CNTNAP2: variants seen among roughly 807,000 people sequenced by gnomAD.
The protein encoded by CNTNAP2 is contactin associated protein 2, also known as contactin-associated protein-like 2.
In CNTNAP2, 98 loss-of-function variants were observed where a neutral mutation model predicts 155.2. That is an observed-to-expected ratio of 0.63 (90% CI 0.54 to 0.75). The LOEUF (loss-of-function observed/expected upper bound fraction) is 0.75. CNTNAP2 is among the 30% of genes least tolerant of loss of function. The probability of loss-of-function intolerance (pLI) is 0.00; values close to 1 mark genes in which losing one functional copy is unlikely to be tolerated. For missense variants in CNTNAP2, 1,727 were observed against 1,688.1 expected, an observed-to-expected ratio of 1.02 and a Z score of -0.40; for synonymous variants, 651 against 631.2, an observed-to-expected ratio of 1.03 and a Z score of -0.47.
At chr7:148,036,494 CTT>C (rs1802576180) in intron 15 of CNTNAP2, among the ~76,000 whole-genome samples, 2 of 152,038 alleles carry the variant, frequency 1.3e-5, no homozygotes, top group Non-Finnish European at 2.9e-5. Context: ...CTTGCTCTCT[CTT>C]GTGATGCTTT....
intron 16 of CNTNAP2, among the ~76,000 whole-genome samples, chr7:148,138,718 T>C (rs1805004975): frequency 2.0e-5 from 3 of 152,154 alleles, no homozygotes; most frequent in Non-Finnish European, 4.4e-5. Flanking sequence ...CTGGGACCTT[T>C]ATCTATTCTT....
intron 15 of CNTNAP2, among the ~76,000 whole-genome samples, chr7:148,027,330 G>A (rs1240294390): frequency 6.6e-6 from 1 of 152,170 alleles, no homozygotes; most frequent in African/African-American, 2.4e-5. Flanking sequence ...AATCTATGTA[G>A]CACTTTTAGG....
intron 3 of CNTNAP2, among the ~76,000 whole-genome samples, chr7:146,976,910 C>A (rs980425882): frequency 6.6e-6 from 1 of 152,148 alleles, no homozygotes; most frequent in Non-Finnish European, 1.5e-5. Context: ...GGCCTATGAA[C>A]AACAATCAGA....
At chr7:147,432,865 G>A (rs1433418209) in intron 10 of CNTNAP2, among the ~76,000 whole-genome samples, 3 of 152,130 alleles carry the variant, frequency 2.0e-5, no homozygotes, top group Non-Finnish European at 4.4e-5. Flanking sequence ...TCTTAGAGCT[G>A]TGCTGCTTTC....
At chr7:146,411,840 T>C (rs1244903108) in intron 1 of CNTNAP2, among the ~76,000 whole-genome samples, 2 of 121,768 alleles carry the variant, frequency 1.6e-5, no homozygotes, top group African/African-American at 7.7e-5. Context: ...ATTTATTTAT[T>C]TATTTATTTT....
chr7:148,372,657 G>A (rs760074795), intron 21 of CNTNAP2, among the ~76,000 whole-genome samples: 19 of 152,106 alleles, frequency 1.2e-4, no homozygotes, highest in Non-Finnish European at 2.4e-4. Flanking sequence ...ACCGTGAGCC[G>A]AGATTGTGCC....
intron 1 of CNTNAP2, among the ~76,000 whole-genome samples, chr7:146,213,959 A>T (rs2116886867): frequency 6.6e-6 from 1 of 152,268 alleles, no homozygotes; most frequent in East Asian, 1.9e-4. Context: ...TTAAATTTGC[A>T]TTGACTCTTT....
At chr7:146,707,044 G>A (rs11981965) in intron 1 of CNTNAP2, among the ~76,000 whole-genome samples, 13,965 of 152,056 alleles carry the variant, frequency 0.092, 1,811 homozygotes, top group African/African-American at 0.29. Flanking sequence ...AATTAGCCAC[G>A]TCGTAAAATC....
chr7:148,211,469 C>A (rs1302424557), intron 18 of CNTNAP2, among the ~76,000 whole-genome samples: 1 of 152,234 alleles, frequency 6.6e-6, no homozygotes, highest in African/African-American at 2.4e-5. Flanking sequence ...GTGCATGAGG[C>A]AGCTTGCACA....
rs144706549 is a variant in CNTNAP2, at chr7:147,317,425, A to G, written c.1498+17135A>G. ...TATGGTTCCTTTCTGTGTTACACAC[A>G]TCATTCATCCTCACCCAGCCTTCTG... On this transcript the variant is annotated intron_variant, in intron 9 of 23. Coordinates refer to ENST00000361727, the MANE Select transcript of CNTNAP2 (RefSeq NM_014141.6). Among the ~76,000 whole-genome samples, 24 of 152,360 alleles carry G rather than the reference A, an allele frequency of 1.6e-4. No individual in the cohort carries two copies. The East Asian group carries it at 2.7e-3, about 17-fold the overall frequency.
chr7:147,252,663 C>A (rs1584821276), intron 8 of CNTNAP2, among the ~76,000 whole-genome samples: 1 of 152,138 alleles, frequency 6.6e-6, no homozygotes, highest in Non-Finnish European at 1.5e-5. Flanking sequence ...ATGAGATGTG[C>A]TTTTCAGTCC....
At position 146,825,440 on chromosome 7, in the gene CNTNAP2, T is replaced by A. The variant is rs150022496; in HGVS notation, c.209-14271T>A. On this transcript the variant is annotated intron_variant, in intron 2 of 23. Transcript: ENST00000361727. Reference sequence around the variant, plus strand: ...AGCCAAAGAGAAGGGAATCACTCACTATGCATGAGTCCTGGGGAAGATCAG... The same window carrying A: ...AGCCAAAGAGAAGGGAATCACTCACAATGCATGAGTCCTGGGGAAGATCAG... Among the ~76,000 whole-genome samples the A allele has an allele frequency of 2.0e-5, 3 of 152,220 alleles. No individual in the cohort carries two copies. The East Asian group carries it at 5.8e-4, about 29-fold the overall frequency.
intron 3 of CNTNAP2, among the ~76,000 whole-genome samples, chr7:146,909,109 G>A (rs1796215852): frequency 6.6e-6 from 1 of 152,136 alleles, no homozygotes; most frequent in Non-Finnish European, 1.5e-5. Flanking sequence ...CCAGGAAGAA[G>A]TTGAATCTCT....
At chr7:147,281,684 T>C (rs1347813479) in intron 8 of CNTNAP2, among the ~76,000 whole-genome samples, 1 of 151,866 alleles carries the variant, frequency 6.6e-6, no homozygotes, top group Non-Finnish European at 1.5e-5. Flanking sequence ...TTCATGAATA[T>C]ATTCATAAGA....
intron 14 of CNTNAP2, among the ~76,000 whole-genome samples, chr7:147,926,372 G>T (rs1032291103): frequency 4.6e-5 from 7 of 152,140 alleles, no homozygotes; most frequent in African/African-American, 1.7e-4. Context: ...GAAGTATGAT[G>T]AAAATGTCCT....
At chr7:146,657,864 A>G (rs535488773) in intron 1 of CNTNAP2, among the ~76,000 whole-genome samples, 27 of 152,250 alleles carry the variant, frequency 1.8e-4, no homozygotes, top group East Asian at 5.8e-4. Context: ...AATATCAACA[A>G]TAACAAAAAA....
intron 10 of CNTNAP2, among the ~76,000 whole-genome samples, chr7:147,436,681 G>C (rs943425283): frequency 1.3e-5 from 2 of 152,124 alleles, no homozygotes; most frequent in Admixed American, 1.3e-4. Flanking sequence ...TTAAGAGCTG[G>C]GATGGGAGAA....
intron 1 of CNTNAP2, among the ~76,000 whole-genome samples, chr7:146,416,901 C>A (rs1013534806): frequency 2.0e-5 from 3 of 152,050 alleles, no homozygotes; most frequent in African/African-American, 7.2e-5. Flanking sequence ...AAATACAATA[C>A]AATAATGTGC....
At chr7:146,446,133 G>A (rs529716792) in intron 1 of CNTNAP2, among the ~76,000 whole-genome samples, 1 of 152,210 alleles carries the variant, frequency 6.6e-6, no homozygotes, top group South Asian at 2.1e-4. Context: ...ATTGCCCCAA[G>A]GAATTTAACT....
Sources: gnomAD v4.1 joint callset for allele counts (sites outside exome capture counted in the v4.1 genomes callset) on GRCh38, gnomAD v4.1.1 for gene constraint, MANE v1.5 for transcripts, NCBI Gene and HGNC (gene_info 2026-07-23, HGNC 2026-07-21) for gene names.